Variants in SP140 observed in about 807,000 individuals in gnomAD.
SP140 encodes the protein SP140 nuclear body protein.
A neutral mutation model predicts 125.0 loss-of-function variants in SP140; 81 were observed. The observed-to-expected ratio is 0.65, with a 90% confidence interval of 0.54 to 0.78. The LOEUF (loss-of-function observed/expected upper bound fraction) is 0.78, where lower values mean the gene tolerates loss of function less well. Among genes scored for constraint, SP140 ranks in the 30% least tolerant of loss-of-function variants. SP140 has a pLI of 0.00. For synonymous variants in SP140, 312 were observed against 354.0 expected (o/e 0.88, Z 1.33); for missense variants, 858 against 1,037.0 (o/e 0.83, Z 2.37).
At chr2:230,285,308 G>A (rs2056228517) in intron 16 of SP140, among the ~76,000 whole-genome samples, 1 of 152,102 alleles carries the variant, frequency 6.6e-6, no homozygotes, top group African/African-American at 2.4e-5. Context: ...TGAATCAGTG[G>A]ATCTAAATAG....
chr2:230,313,766 AG>A (rs2059459999), downstream of SP140, among the ~76,000 whole-genome samples: 1 of 152,218 alleles, frequency 6.6e-6, no homozygotes, highest in African/African-American at 2.4e-5. Context: ...GAATATGGAT[AG>A]CCCCAGAAGT....
At chr2:230,236,700 C>A (rs1317526823) in intron 1 of SP140, among the ~76,000 whole-genome samples, 2 of 152,214 alleles carry the variant, frequency 1.3e-5, no homozygotes, top group Non-Finnish European at 2.9e-5. Flanking sequence ...AAATGTTAAT[C>A]TTATCCAAAA....
chr2:230,240,750 G>C (rs1368080134), intron 3 of SP140, among the ~76,000 whole-genome samples: 1 of 152,254 alleles, frequency 6.6e-6, no homozygotes, highest in South Asian at 2.1e-4. Flanking sequence ...AAAGTGCCTG[G>C]CAATTTCCTA....
At chr2:230,305,788 C>T (rs921419135) in intron 22 of SP140, among the ~76,000 whole-genome samples, 3 of 152,234 alleles carry the variant, frequency 2.0e-5, no homozygotes, top group Non-Finnish European at 2.9e-5. Context: ...CTGCCCACAG[C>T]GCCAGGTTCC....
chr2:230,230,228 G>T (rs1006379076), intron 1 of SP140, among the ~76,000 whole-genome samples: 1 of 152,192 alleles, frequency 6.6e-6, no homozygotes, highest in African/African-American at 2.4e-5. Context: ...TGATTGCTTA[G>T]GTTGGGAATG....
intron 4 of SP140, among the ~76,000 whole-genome samples, chr2:230,241,849 G>A (rs2048772065): frequency 6.6e-6 from 1 of 152,164 alleles, no homozygotes; most frequent in South Asian, 2.1e-4. Flanking sequence ...TAATTTCATA[G>A]AACTATTAAG....
At chr2:230,214,891 C>A in intron 3 of SP140, 2 of 1,456,694 alleles carry the variant, frequency 1.4e-6, no homozygotes. Flanking sequence ...TAGAAGTAAA[C>A]CCAGACTTTT....
chr2:230,199,151 T>C (rs9288659), upstream of SP140, among the ~76,000 whole-genome samples: 2 of 112,852 alleles, frequency 1.8e-5, no homozygotes, highest in South Asian at 5.8e-4. Flanking sequence ...TATTATTATT[T>C]TTTTTTTTTT....
At chr2:230,305,917 G>A (rs1310072853) in intron 22 of SP140, among the ~76,000 whole-genome samples, 12 of 152,226 alleles carry the variant, frequency 7.9e-5, no homozygotes, top group African/African-American at 2.4e-4. Flanking sequence ...GAGGCAATCC[G>A]GTCCTGGAGG....
At chr2:230,246,930 G>C (rs1017728580) in intron 7 of SP140, among the ~76,000 whole-genome samples, 7 of 152,110 alleles carry the variant, frequency 4.6e-5, no homozygotes, top group African/African-American at 1.4e-4. Flanking sequence ...AGTGAAAACT[G>C]CTTGCAAGAG....
intron 22 of SP140, among the ~76,000 whole-genome samples, chr2:230,297,716 G>C (rs1005213853): frequency 1.3e-5 from 2 of 152,240 alleles, no homozygotes; most frequent in Non-Finnish European, 2.9e-5. Context: ...GTGAGTATGG[G>C]AGGCTGAGCT....
chr2:230,221,681 A>G, upstream of SP140: 1 of 1,535,352 alleles, frequency 6.5e-7, no homozygotes, highest in East Asian at 2.4e-5. Flanking sequence ...AGGTTATTTT[A>G]TGCAAATGTC....
chr2:230,247,512 T>C (rs1291319721), intron 7 of SP140, among the ~76,000 whole-genome samples: 1 of 152,222 alleles, frequency 6.6e-6, no homozygotes, highest in Non-Finnish European at 1.5e-5. Context: ...ATCTCTCTCT[T>C]GGACTGGAGC....
chr2:230,229,388 G>A (rs563672850), intron 1 of SP140, among the ~76,000 whole-genome samples: 3 of 148,654 alleles, frequency 2.0e-5, no homozygotes, highest in African/African-American at 7.4e-5. Flanking sequence ...CTTCTCTGGT[G>A]CTCTTTCTTT....
At chr2:230,292,517 G>A in intron 19 of SP140, 129 bp from the exon 20 acceptor site, 1 of 1,242,288 alleles carries the variant, frequency 8.0e-7, no homozygotes. Context: ...GTCTGAGAGG[G>A]AAGGCCAGAC....
intron 22 of SP140, among the ~76,000 whole-genome samples, chr2:230,304,372 T>A (rs190966664): frequency 6.6e-6 from 1 of 152,260 alleles, no homozygotes; most frequent in Non-Finnish European, 1.5e-5. Context: ...CAAAATACCA[T>A]GATCATTTTT....
intron 24 of SP140, 123 bp from the exon 25 acceptor site, chr2:230,311,031 T>C (rs1418912493): frequency 6.6e-7 from 1 of 1,518,328 alleles, no homozygotes; most frequent in Non-Finnish European, 8.8e-7. Context: ...ACATGTCTGT[T>C]TCCAAGAGCC....
At chr2:230,186,294 AT>A in the SP140 span, 1 of 739,758 alleles carries the variant, frequency 1.4e-6, no homozygotes, top group Non-Finnish European at 2.2e-6. Flanking sequence ...ACTTCCTTCT[AT>A]TTCTCTTTTT....
chr2:230,197,899 A>T, the SP140 span, among the ~76,000 whole-genome samples: 1 of 152,040 alleles, frequency 6.6e-6, no homozygotes, highest in Non-Finnish European at 1.5e-5. Flanking sequence ...CAATTCTCCC[A>T]TGTTGGCCTC....
Sources: allele counts gnomAD v4.1 joint callset (sites outside exome capture counted in the v4.1 genomes callset), GRCh38; gene constraint gnomAD v4.1.1; transcripts MANE v1.5; gene names NCBI Gene and HGNC (gene_info 2026-07-23, HGNC 2026-07-21).